The following GAN variants were observed in gnomAD, a reference collection of about 807,000 sequenced individuals.
GAN encodes the protein gigaxonin.
GAN carries 48 observed loss-of-function variants against 71.3 expected under a neutral mutation model. The ratio of observed to expected loss-of-function variants is 0.67; its 90% CI spans 0.53 to 0.86. The LOEUF (loss-of-function observed/expected upper bound fraction) is 0.86, where lower values mean the gene tolerates loss of function less well. Ranked by LOEUF, GAN falls within the 40% of genes least tolerant of loss-of-function variation. The probability of loss-of-function intolerance (pLI) is 0.00; values close to 1 mark genes in which losing one functional copy is unlikely to be tolerated. For missense variants in GAN, 928 were observed against 770.1 expected, an observed-to-expected ratio of 1.21 and a Z score of -2.43; for synonymous variants, 386 against 276.8, an observed-to-expected ratio of 1.39 and a Z score of -3.92.
At chr16:81,373,528 A>G (rs139007635) in intron 9 of GAN, among the ~76,000 whole-genome samples, 128 of 152,342 alleles carry the variant, frequency 8.4e-4, no homozygotes, top group African/African-American at 3.0e-3. Context: ...AAGCCATTCA[A>G]TCAGCTTCTC....
rs1414924177 is a variant in GAN, at chr16:81,387,883, T to C, written c.*10287T>C. ...AGGGGAAACACGGGATCAAGATCAT[T>C]AGAGATTTATAGGCTGGGATGCACA... On this transcript the variant is annotated 3_prime_UTR_variant, in exon 11 of 11. Coordinates refer to ENST00000648994, the MANE Select transcript of GAN (RefSeq NM_022041.4). The C allele has an allele frequency of 1.3e-5, 2 of 152,164 alleles. No individual in the cohort carries two copies. The highest frequency in any genetic ancestry group is 3.9e-4 in the East Asian group (2 of 5,176). 9.4% of individuals were successfully genotyped at this position (152,164 alleles called of 1,614,324 possible).
intron 1 of GAN, among the ~76,000 whole-genome samples, chr16:81,331,163 C>T (rs902577722): frequency 6.6e-6 from 1 of 152,190 alleles, no homozygotes; most frequent in African/African-American, 2.4e-5. Flanking sequence ...TGTGCTCGCA[C>T]CACTGCGCTC....
intron 9 of GAN, among the ~76,000 whole-genome samples, chr16:81,369,791 C>T (rs1168944998): frequency 1.3e-5 from 2 of 151,890 alleles, no homozygotes; most frequent in South Asian, 2.1e-4. Context: ...ACCGTGGTCT[C>T]GATCTCCTGA....
chr16:81,349,913 C>G (rs1910242579), intron 1 of GAN, among the ~76,000 whole-genome samples: 1 of 151,996 alleles, frequency 6.6e-6, no homozygotes, highest in Admixed American at 6.5e-5. Flanking sequence ...TAATTCATAC[C>G]AAGAGCATGT....
chr16:81,315,742 G>C (rs1402661498), intron 1 of GAN, among the ~76,000 whole-genome samples: 1 of 152,250 alleles, frequency 6.6e-6, no homozygotes, highest in Non-Finnish European at 1.5e-5. Context: ...GCTCGCCTCT[G>C]AATCCACGCG....
At chr16:81,353,273 CAG>C (rs373304169) in intron 2 of GAN, among the ~76,000 whole-genome samples, 3,078 of 125,578 alleles carry the variant, frequency 0.025, 62 homozygotes, top group African/African-American at 0.063. Context: ...GCGTGGGCGA[CAG>C]AGCGAGACTC....
chr16:81,365,343 C>A lies in GAN; in HGVS notation c.1374-7C>A. 1 of 1,613,694 alleles carries A rather than the reference C, an allele frequency of 6.2e-7. No individual in the cohort carries two copies. Among genetic ancestry groups the A allele is most frequent in the Non-Finnish European group, 8.5e-7 (1 of 1,179,950 alleles). ...TGTGCCTGATAACGCTGTGTGTGGC[C>A]TTTCAGGTTTGGAGCGGTGGCCTGT... On this transcript the variant is annotated splice_region_variant and splice_polypyrimidine_tract_variant and intron_variant, in intron 8 of 10. Coordinates refer to ENST00000648994, the MANE Select transcript of GAN (RefSeq NM_022041.4).
chr16:81,348,815 C>G (rs1483518900), intron 1 of GAN, among the ~76,000 whole-genome samples: 2 of 152,220 alleles, frequency 1.3e-5, no homozygotes, highest in African/African-American at 2.4e-5. Flanking sequence ...GCCCTTGGGT[C>G]TGTACCCTTG....
At chr16:81,354,887 G>A (rs562068465) in intron 3 of GAN, 132 bp downstream of exon 3, 2 of 649,470 alleles carry the variant, frequency 3.1e-6, no homozygotes, top group East Asian at 5.5e-5. Flanking sequence ...TGTAAAACAT[G>A]TTCCCCTATA....
intron 1 of GAN, among the ~76,000 whole-genome samples, chr16:81,348,994 T>C (rs966890553): frequency 6.6e-6 from 1 of 152,188 alleles, no homozygotes; most frequent in Non-Finnish European, 1.5e-5. Flanking sequence ...CAAATGTGCC[T>C]GGTGCTCCCC....
At chr16:81,335,989 C>T (rs558898207) in intron 1 of GAN, among the ~76,000 whole-genome samples, 15 of 152,274 alleles carry the variant, frequency 9.9e-5, no homozygotes, top group African/African-American at 3.6e-4. Flanking sequence ...GCTCTCAGTG[C>T]ACCAGTGTGA....
intron 1 of GAN, among the ~76,000 whole-genome samples, chr16:81,335,747 A>AG (rs1909737694): frequency 1.0e-4 from 1 of 9,686 alleles, no homozygotes; most frequent in Non-Finnish European, 1.8e-4. Context: ...ACTCAGTCTC[A>AG]AAAAAAAAAA....
intron 1 of GAN, among the ~76,000 whole-genome samples, chr16:81,346,231 G>A (rs191915115): frequency 6.6e-5 from 10 of 152,284 alleles, no homozygotes; most frequent in Non-Finnish European, 1.2e-4. Flanking sequence ...TGAGGGACTG[G>A]CCAGTAAGAA....
At chr16:81,371,162 G>C (rs556343731) in intron 9 of GAN, among the ~76,000 whole-genome samples, 4 of 152,108 alleles carry the variant, frequency 2.6e-5, no homozygotes, top group Non-Finnish European at 5.9e-5. Context: ...TGTGTACTTT[G>C]TTTTTAGGTT....
rs1904298386 is a variant in GAN, at chr16:81,380,198, A to T, written c.*2602A>T. The T allele has an allele frequency of 6.6e-6, 1 of 152,628 alleles. No homozygotes were observed. The allele number at this position is 152,628 out of a possible 1,614,324, so 9.5% of individuals were successfully genotyped here. On this transcript the variant is annotated 3_prime_UTR_variant, in exon 11 of 11. Coordinates refer to ENST00000648994, the MANE Select transcript of GAN (RefSeq NM_022041.4). The stretch of plus-strand genomic sequence containing the variant: ...TCATTTCATGCAGGTTTGTGTTTTA[A>T]CATTCCACTTATGCCTTGAAACATC...
chr16:81,316,780 C>T (rs528538894), intron 1 of GAN, among the ~76,000 whole-genome samples: 1 of 152,178 alleles, frequency 6.6e-6, no homozygotes, highest in Non-Finnish European at 1.5e-5. Context: ...TAGCACTTAC[C>T]ACTTTGACGT....
At chr16:81,331,472 G>A (rs1481808073) in intron 1 of GAN, among the ~76,000 whole-genome samples, 1 of 152,152 alleles carries the variant, frequency 6.6e-6, no homozygotes, top group Non-Finnish European at 1.5e-5. Flanking sequence ...TAATTGCAGG[G>A]TGCAAAGGAA....
chr16:81,374,746 C>A (rs1055337082), intron 9 of GAN, among the ~76,000 whole-genome samples: 1 of 152,182 alleles, frequency 6.6e-6, no homozygotes, highest in African/African-American at 2.4e-5. Context: ...GACAGGATGC[C>A]CCAGGCCCCT....
chr16:81,382,504 A>T lies in GAN; in HGVS notation c.*4908A>T, dbSNP rs1238169029. The stretch of plus-strand genomic sequence containing the variant: ...CTGTTTTTTTATTTCAAAGAGCTTC[A>T]TGTATACTTCCCTCTCTTATTCCAT... On this transcript the variant is annotated 3_prime_UTR_variant, in exon 11 of 11. Coordinates refer to ENST00000648994, the MANE Select transcript of GAN (RefSeq NM_022041.4). 1.3e-5 allele frequency: 2 copies of T among 152,246 alleles called. No homozygotes were observed. Among genetic ancestry groups the T allele is most frequent in the Admixed American group, 1.3e-4 (2 of 15,282 alleles). 9.4% of individuals were successfully genotyped at this position (152,246 alleles called of 1,614,324 possible). A position where few individuals can be genotyped will look rare whatever the true frequency, so the allele number is the denominator to read the frequency against.
Sources: gnomAD v4.1 joint callset for allele counts (sites outside exome capture counted in the v4.1 genomes callset) on GRCh38, gnomAD v4.1.1 for gene constraint, MANE v1.5 for transcripts, NCBI Gene and HGNC (gene_info 2026-07-23, HGNC 2026-07-21) for gene names.